CAMTA1: variants seen among roughly 807,000 people sequenced by gnomAD.
CAMTA1 encodes the protein calmodulin-binding transcription activator 1.
In CAMTA1, 27 loss-of-function variants were observed where a neutral mutation model predicts 170.9. That is an observed-to-expected ratio of 0.16 (90% confidence interval 0.12 to 0.22). The LOEUF (loss-of-function observed/expected upper bound fraction) is 0.22. Ranked by LOEUF, CAMTA1 falls within the 10% of genes least tolerant of loss-of-function variation. The probability of loss-of-function intolerance (pLI) is 1.00; values close to 1 mark genes in which losing one functional copy is unlikely to be tolerated. For missense variants in CAMTA1, 1,619 were observed against 2,217.2 expected, an observed-to-expected ratio of 0.73 and a Z score of 5.42; for synonymous variants, 833 against 891.5, an observed-to-expected ratio of 0.93 and a Z score of 1.17.
chr1:7,451,156 G>T (rs1052217744), intron 5 of CAMTA1, among the ~76,000 whole-genome samples: 1 of 152,180 alleles, frequency 6.6e-6, no homozygotes, highest in Non-Finnish European at 1.5e-5. Flanking sequence ...CACTGAGCCA[G>T]CCCCATCTCT....
intron 5 of CAMTA1, among the ~76,000 whole-genome samples, chr1:7,385,453 G>A (rs1433920336): frequency 2.0e-5 from 3 of 152,132 alleles, no homozygotes; most frequent in East Asian, 1.9e-4. Context: ...TTTGAATAGC[G>A]TCTCTGCAGG....
chr1:7,056,001 C>A (rs1340380348), intron 3 of CAMTA1, among the ~76,000 whole-genome samples: 1 of 152,210 alleles, frequency 6.6e-6, no homozygotes. Context: ...CCTGCCCCTT[C>A]CTCTGCACAA....
rs1295197200 is a variant in CAMTA1, at chr1:7,041,578, T to C, written c.235-49726T>C. Among the ~76,000 whole-genome samples the C allele has an allele frequency of 6.6e-6, 1 of 152,174 alleles. No homozygotes were observed. The highest frequency in any genetic ancestry group is 1.5e-5 in the Non-Finnish European group (1 of 68,024). ...TGCTGAAAAGACAGTTCTGTAGAAA[T>C]GTGAAACATTATTATGTTATAGAAT... On this transcript the variant is annotated intron_variant, in intron 3 of 22. Transcript: ENST00000303635. The surrounding 1 kb of genome is among the most constrained non-coding windows in gnomAD (Gnocchi z 5.1).
chr1:7,567,368 G>A (rs1348217836), intron 6 of CAMTA1, among the ~76,000 whole-genome samples: 6 of 152,346 alleles, frequency 3.9e-5, no homozygotes, highest in Admixed American at 2.6e-4. Flanking sequence ...CTCCACACTC[G>A]ACATGCAATT....
intron 4 of CAMTA1, among the ~76,000 whole-genome samples, chr1:7,136,192 C>A (rs2148575332): frequency 6.6e-6 from 1 of 152,360 alleles, no homozygotes; most frequent in East Asian, 1.9e-4. Flanking sequence ...CTCCTCCACA[C>A]TCTCAGCTTT....
At chr1:7,460,690 A>AT (rs544879683) in intron 5 of CAMTA1, among the ~76,000 whole-genome samples, 157 of 151,220 alleles carry the variant, frequency 1.0e-3, no homozygotes, top group African/African-American at 3.5e-3. Context: ...TTCTAGGTGG[A>AT]TTTTCCCTTC....
intron 3 of CAMTA1, among the ~76,000 whole-genome samples, chr1:6,928,227 C>A (rs1257580112): frequency 6.6e-6 from 1 of 152,224 alleles, no homozygotes; most frequent in African/African-American, 2.4e-5. Context: ...CTGATGCTAA[C>A]AGAAATCAGT....
chr1:7,404,270 C>T (rs1026872739), intron 5 of CAMTA1, among the ~76,000 whole-genome samples: 6 of 152,180 alleles, frequency 3.9e-5, no homozygotes, highest in South Asian at 2.1e-4. Context: ...CGCCAACTCC[C>T]GGAAGATGCC....
chr1:6,855,112 C>G (rs1354086848), intron 3 of CAMTA1, among the ~76,000 whole-genome samples: 1 of 152,014 alleles, frequency 6.6e-6, no homozygotes, highest in Non-Finnish European at 1.5e-5. Flanking sequence ...AAAAAAACCT[C>G]TTTATAACTT....
Position 7,678,336 on chromosome 1 carries a change from C to T in CAMTA1, c.2914+603C>T, listed in dbSNP as rs1039927225. On this transcript the variant is annotated intron_variant, in intron 11 of 22. Coordinates refer to ENST00000303635, the MANE Select transcript of CAMTA1 (RefSeq NM_015215.4). ...ATTTTAATTCCACCTCTGGCCTGTA[C>T]GGCGTCTGTGGCAAGCCCAGGATCA... Among the ~76,000 whole-genome samples, 13 of 152,180 alleles carry T rather than the reference C, an allele frequency of 8.5e-5. 1 individual carries two copies. The highest frequency in any genetic ancestry group is 1.9e-4 in the East Asian group (1 of 5,176).
intron 4 of CAMTA1, among the ~76,000 whole-genome samples, chr1:7,201,028 T>A (rs529952617): frequency 6.6e-6 from 1 of 152,336 alleles, no homozygotes; most frequent in East Asian, 1.9e-4. Context: ...CCATGTTATG[T>A]AGCCATCACT....
intron 3 of CAMTA1, among the ~76,000 whole-genome samples, chr1:7,000,088 G>A (rs949392041): frequency 2.0e-5 from 3 of 152,202 alleles, no homozygotes; most frequent in African/African-American, 4.8e-5. Flanking sequence ...GCTGGGTGAG[G>A]GGCTGGTGCT....
At chr1:6,861,155 C>T (rs1160212998) in intron 3 of CAMTA1, among the ~76,000 whole-genome samples, 1 of 151,950 alleles carries the variant, frequency 6.6e-6, no homozygotes, top group African/African-American at 2.4e-5. Flanking sequence ...GGGGTTTCAC[C>T]TCGTTGTCCA....
At chr1:7,519,966 A>C (rs924968290) in intron 6 of CAMTA1, among the ~76,000 whole-genome samples, 2 of 151,180 alleles carry the variant, frequency 1.3e-5, no homozygotes, top group African/African-American at 4.9e-5. Context: ...GCTGGCCCAC[A>C]GTCCACAGCA....
chr1:7,606,315 C>T (rs957473198), intron 6 of CAMTA1, among the ~76,000 whole-genome samples: 6 of 152,138 alleles, frequency 3.9e-5, no homozygotes, highest in African/African-American at 7.2e-5. Context: ...CAGCTGCCGG[C>T]CATGATGCAG....
At chr1:6,992,953 T>A (rs1032508265) in intron 3 of CAMTA1, among the ~76,000 whole-genome samples, 1 of 152,278 alleles carries the variant, frequency 6.6e-6, no homozygotes, top group African/African-American at 2.4e-5. Context: ...TAGTGATGTC[T>A]AGTTGTTCAG....
intron 6 of CAMTA1, among the ~76,000 whole-genome samples, chr1:7,492,459 C>T (rs1001121358): frequency 8.5e-5 from 13 of 152,152 alleles, no homozygotes; most frequent in African/African-American, 2.7e-4. Context: ...CCGGGCTGCT[C>T]AGGAGGCAGC....
intron 3 of CAMTA1, among the ~76,000 whole-genome samples, chr1:6,962,909 C>T (rs982015514): frequency 4.0e-5 from 6 of 149,526 alleles, no homozygotes; most frequent in African/African-American, 1.5e-4. Context: ...TCCCTCCTTG[C>T]CTGCCGAGCT....
chr1:6,950,521 C>T lies in CAMTA1; in HGVS notation c.234+125311C>T, dbSNP rs115879781. On this transcript the variant is annotated intron_variant, in intron 3 of 22. Transcript: ENST00000303635. ...CTCAGTGGATTAAAACAGCAGAAGG[C>T]GTTTTCTCACTCCTGCCACATGCTC... is the stretch of plus-strand genomic sequence containing the variant. 4.0e-3 allele frequency among the ~76,000 whole-genome samples: 606 copies of T among 152,202 alleles called. 2 individuals carry two copies. The highest frequency in any genetic ancestry group is 6.7e-3 in the Non-Finnish European group (458 of 68,016).
Sources: gnomAD v4.1 joint callset for allele counts (sites outside exome capture counted in the v4.1 genomes callset) on GRCh38, gnomAD v4.1.1 for gene constraint, Gnocchi (gnomAD v3.1) non-coding constraint, MANE v1.5 for transcripts, NCBI Gene and HGNC (gene_info 2026-07-23, HGNC 2026-07-21) for gene names.